NRDE2: variants seen among roughly 807,000 people sequenced by gnomAD.
NRDE2 encodes the protein nuclear exosome regulator NRDE2.
NRDE2 carries 76 observed loss-of-function variants against 124.2 expected under a neutral mutation model. That is an observed-to-expected ratio of 0.61 (90% CI 0.51 to 0.74). The LOEUF (loss-of-function observed/expected upper bound fraction) is 0.74. NRDE2 is among the 30% of genes least tolerant of loss of function. The pLI, the probability that NRDE2 is intolerant of heterozygous loss-of-function variation, is 0.00. For missense variants in NRDE2, 1,314 were observed against 1,417.3 expected (o/e 0.93, Z 1.17); for synonymous variants, 489 against 528.1 (o/e 0.93, Z 1.01).
chr14:90,308,495 T>C (rs1002227377), intron 4 of NRDE2, among the ~76,000 whole-genome samples: 1 of 151,848 alleles, frequency 6.6e-6, no homozygotes, highest in Non-Finnish European at 1.5e-5. Context: ...GGACAGTCCA[T>C]CCAAGCTTAA....
chr14:90,318,198 A>C, intron 1 of NRDE2, 85 bp from the exon 2 acceptor site: 1 of 1,062,688 alleles, frequency 9.4e-7, no homozygotes, highest in Non-Finnish European at 1.4e-6. Flanking sequence ...ATCAGCTGAC[A>C]TCCTAATTCA....
intron 3 of NRDE2, among the ~76,000 whole-genome samples, chr14:90,316,124 T>C (rs1885038411): frequency 6.6e-6 from 1 of 152,194 alleles, no homozygotes; most frequent in African/African-American, 2.4e-5. Flanking sequence ...GTAACAATTA[T>C]TTAAGTGCTA....
intron 1 of NRDE2, among the ~76,000 whole-genome samples, chr14:90,321,354 C>T (rs1885233159): frequency 6.6e-6 from 1 of 152,016 alleles, no homozygotes; most frequent in East Asian, 1.9e-4. Flanking sequence ...GGCGTGCCAC[C>T]ACTGTGCCAG....
intron 10 of NRDE2, among the ~76,000 whole-genome samples, chr14:90,289,964 G>A (rs994382426): frequency 6.6e-6 from 1 of 152,182 alleles, no homozygotes; most frequent in Non-Finnish European, 1.5e-5. Flanking sequence ...TTCATGTAAG[G>A]ACGGGGACCT....
At chr14:90,290,669 A>G in intron 9 of NRDE2, 62 bp from the exon 10 acceptor site, 2 of 1,508,390 alleles carry the variant, frequency 1.3e-6, no homozygotes, top group Non-Finnish European at 1.8e-6. Context: ...ATTTGTCACA[A>G]TTCTCTTTAT....
At chr14:90,288,160 A>C in intron 11 of NRDE2, 57 bp downstream of exon 11, 1 of 1,521,674 alleles carries the variant, frequency 6.6e-7, no homozygotes, top group Non-Finnish European at 9.0e-7. Context: ...TCAGGGCAAC[A>C]CAGCAAGCAT....
rs1891564963 is a variant in NRDE2 at position 90,268,108 on chromosome 14, T to C, written c.*10228A>G. 1.3e-6 allele frequency: 1 copy of C among 774,934 alleles called. No homozygotes were observed. Among genetic ancestry groups the C allele is most frequent in the South Asian group, 1.9e-5 (1 of 51,786 alleles). 48.0% of individuals were successfully genotyped at this position (774,934 alleles called of 1,614,324 possible). A position where few individuals can be genotyped will look rare whatever the true frequency, so the allele number is the denominator to read the frequency against. On this transcript the variant is annotated 3_prime_UTR_variant, in exon 14 of 14. Transcript: ENST00000354366. ...TGACACTTGAATTGGTGCCATGCCT[T>C]AGCATGAGGGCCCGCCTGTTTTTGG... is the stretch of plus-strand genomic sequence containing the variant.
At chr14:90,324,940 G>A (rs1885365991) in intron 1 of NRDE2, among the ~76,000 whole-genome samples, 1 of 152,072 alleles carries the variant, frequency 6.6e-6, no homozygotes, top group South Asian at 2.1e-4. Flanking sequence ...AGTGGCTCAG[G>A]GAGCAATGGC....
intron 1 of NRDE2, among the ~76,000 whole-genome samples, chr14:90,325,676 C>T (rs1407299913): frequency 6.6e-6 from 1 of 152,202 alleles, no homozygotes; most frequent in Non-Finnish European, 1.5e-5. Context: ...CAGGAACACA[C>T]TACCACACCT....
chr14:90,270,485 G>A lies in NRDE2; in HGVS notation c.*7851C>T, dbSNP rs980882921. On this transcript the variant is annotated 3_prime_UTR_variant, in exon 14 of 14. Transcript: ENST00000354366. ...TATTTTAATCATCATATTGGTTTAC[G>A]ATTACATCCAAATGGTATATGTGCT... 3.3e-4 allele frequency: 331 copies of A among 996,338 alleles called. No individual in the cohort carries two copies. The highest frequency in any genetic ancestry group is 4.5e-4 in the Non-Finnish European group (315 of 707,048). 61.7% of individuals were successfully genotyped at this position (996,338 alleles called of 1,614,324 possible).
At chr14:90,312,970 T>A (rs1209764498) in intron 3 of NRDE2, among the ~76,000 whole-genome samples, 1 of 152,150 alleles carries the variant, frequency 6.6e-6, no homozygotes, top group Non-Finnish European at 1.5e-5. Context: ...CCTCCAAAGG[T>A]GACAACACCA....
Position 90,274,822 on chromosome 14 carries a change from A to ACACACACACACAC in NRDE2, c.*3501_*3513dup, listed in dbSNP as rs1555358533. On this transcript the variant is annotated 3_prime_UTR_variant, in exon 14 of 14. Transcript: ENST00000354366. ...CACACACACACACACACACACACAC[A>ACACACACACACAC]CACACACACACACACACCCCAATAC... The ACACACACACACAC allele has an allele frequency of 1.6e-4, 19 of 116,404 alleles. No homozygotes were observed. Among genetic ancestry groups the ACACACACACACAC allele is most frequent in the African/African-American group, 7.4e-4 (19 of 25,762 alleles). 7.2% of individuals were successfully genotyped at this position (116,404 alleles called of 1,614,324 possible). A position where few individuals can be genotyped will look rare whatever the true frequency, so the allele number is the denominator to read the frequency against.
At chr14:90,315,730 T>C (rs1595074303) in intron 3 of NRDE2, among the ~76,000 whole-genome samples, 1 of 151,192 alleles carries the variant, frequency 6.6e-6, no homozygotes, top group Admixed American at 6.6e-5. Flanking sequence ...CTGAGGCAGG[T>C]GGATCACCTG....
intron 1 of NRDE2, among the ~76,000 whole-genome samples, chr14:90,324,673 CAAA>C (rs35515329): frequency 9.1e-5 from 6 of 65,982 alleles, no homozygotes; most frequent in Admixed American, 1.5e-4. Flanking sequence ...GCTCCGTCTC[CAAA>C]AAAAAAAAAA....
rs1891737019 is a variant in NRDE2, at chr14:90,274,089, C to G, written c.*4247G>C. The G allele has an allele frequency of 1.9e-5, 3 of 154,790 alleles. No homozygotes were observed. Among genetic ancestry groups the G allele is most frequent in the African/African-American group, 2.4e-5 (1 of 41,320 alleles). 9.6% of individuals were successfully genotyped at this position (154,790 alleles called of 1,614,324 possible). The stretch of plus-strand genomic sequence containing the variant: ...GCGCCACTCTGCCTACCACAGAGGA[C>G]ATCCACACGTGGGGGTGGCCCAGTG... On this transcript the variant is annotated 3_prime_UTR_variant, in exon 14 of 14. Coordinates refer to ENST00000354366, the MANE Select transcript of NRDE2 (RefSeq NM_017970.4).
Position 90,288,212 on chromosome 14 carries a change from A to G in NRDE2, c.3158+5T>C, listed in dbSNP as rs539682224. On this transcript the variant is annotated splice_donor_5th_base_variant and intron_variant, in intron 11 of 13. Transcript: ENST00000354366. ...GGGCACACGAACAGAACGGTCTGGA[A>G]TTACCTCTGGACAGTTTCCACCAGT... 4.9e-5 allele frequency: 79 copies of G among 1,611,226 alleles called. 1 individual carries two copies. In the South Asian group the frequency reaches 8.5e-4, roughly 17 times the overall value.
intron 9 of NRDE2, among the ~76,000 whole-genome samples, chr14:90,291,004 A>G (rs1892259190): frequency 1.3e-5 from 2 of 152,272 alleles, no homozygotes; most frequent in African/African-American, 4.8e-5. Flanking sequence ...TTGTATTGTA[A>G]GATGGAAGAT....
At chr14:90,295,369 T>C (rs1884106695) in intron 8 of NRDE2, among the ~76,000 whole-genome samples, 1 of 152,192 alleles carries the variant, frequency 6.6e-6, no homozygotes, top group Non-Finnish European at 1.5e-5. Flanking sequence ...AATGTATATA[T>C]TAGCATTCTA....
chr14:90,292,662 T>C, intron 9 of NRDE2, 35 bp downstream of exon 9: 1 of 1,597,868 alleles, frequency 6.3e-7, no homozygotes, highest in South Asian at 1.1e-5. Context: ...AGGGACCCCC[T>C]GGACAGCTTC....
Sources: gnomAD v4.1 joint callset for allele counts (sites outside exome capture counted in the v4.1 genomes callset) on GRCh38, gnomAD v4.1.1 for gene constraint, MANE v1.5 for transcripts, NCBI Gene and HGNC (gene_info 2026-07-23, HGNC 2026-07-21) for gene names.